The following HCN1 variants were observed in gnomAD, a reference collection of about 807,000 sequenced individuals.
HCN1 encodes the protein hyperpolarization activated cyclic nucleotide gated potassium channel 1, also known as potassium/sodium hyperpolarization-activated cyclic nucleotide-gated channel 1.
In HCN1, 13 loss-of-function variants were observed where a neutral mutation model predicts 78.9. That is an observed-to-expected ratio of 0.16 (90% confidence interval 0.11 to 0.26). HCN1 has a LOEUF of 0.26. Ranked by LOEUF, HCN1 falls within the 10% of genes least tolerant of loss-of-function variation. The pLI is 1.00. For missense variants in HCN1, 810 were observed against 1,154.3 expected (o/e 0.70, Z 4.32); for synonymous variants, 552 against 455.5 (o/e 1.21, Z -2.70).
chr5:45,288,800 G>T (rs1745317352), intron 6 of HCN1, among the ~76,000 whole-genome samples: 1 of 151,954 alleles, frequency 6.6e-6, no homozygotes, highest in Non-Finnish European at 1.5e-5. Flanking sequence ...TGGACCTTTG[G>T]ACTTGAAGGG....
At chr5:45,571,450 G>A (rs1487227209) in intron 2 of HCN1, among the ~76,000 whole-genome samples, 3 of 152,072 alleles carry the variant, frequency 2.0e-5, no homozygotes, top group Non-Finnish European at 4.4e-5. Flanking sequence ...ATTGTGACTT[G>A]GGGCAAGATA....
At chr5:45,302,144 A>G (rs1038469303) in intron 6 of HCN1, among the ~76,000 whole-genome samples, 4 of 152,086 alleles carry the variant, frequency 2.6e-5, no homozygotes, top group African/African-American at 9.7e-5. Flanking sequence ...GTTTGGCTCT[A>G]TGTCCCCCCA....
At chr5:45,664,046 T>C (rs1745979279) in intron 1 of HCN1, among the ~76,000 whole-genome samples, 1 of 134,096 alleles carries the variant, frequency 7.5e-6, no homozygotes, top group Admixed American at 7.9e-5. Context: ...TAGCAAAGAC[T>C]TGGAACCAAC....
intron 5 of HCN1, among the ~76,000 whole-genome samples, chr5:45,317,085 C>T (rs1041811716): frequency 2.0e-5 from 3 of 151,986 alleles, no homozygotes; most frequent in Non-Finnish European, 2.9e-5. Flanking sequence ...TCATATGGGG[C>T]CAAAAAAGAG....
At chr5:45,678,419 A>G (rs915316005) in intron 1 of HCN1, among the ~76,000 whole-genome samples, 3 of 151,954 alleles carry the variant, frequency 2.0e-5, no homozygotes, top group Admixed American at 1.3e-4. Flanking sequence ...TTATTATAAT[A>G]AACTCCAATT....
intron 3 of HCN1, among the ~76,000 whole-genome samples, chr5:45,452,994 T>A (rs1343924453): frequency 6.6e-6 from 1 of 152,000 alleles, no homozygotes; most frequent in Non-Finnish European, 1.5e-5. Flanking sequence ...TAGAGTAGCA[T>A]AATTAGACTG....
At chr5:45,281,195 G>C (rs1038075941) in intron 6 of HCN1, among the ~76,000 whole-genome samples, 2 of 152,224 alleles carry the variant, frequency 1.3e-5, no homozygotes, top group Non-Finnish European at 2.9e-5. Context: ...CAGTGTTGAA[G>C]AGGGGCCTGG....
chr5:45,458,894 T>G (rs1741085298), intron 3 of HCN1, among the ~76,000 whole-genome samples: 1 of 152,058 alleles, frequency 6.6e-6, no homozygotes, highest in African/African-American at 2.4e-5. Flanking sequence ...AAATGCAGGG[T>G]GCTTTTGTTC....
chr5:45,619,756 C>T (rs1253583266), intron 2 of HCN1, among the ~76,000 whole-genome samples: 1 of 151,908 alleles, frequency 6.6e-6, no homozygotes, highest in Non-Finnish European at 1.5e-5. Flanking sequence ...ATTTGCATAA[C>T]CTAAATATAA....
chr5:45,314,913 G>A (rs1181789725), intron 5 of HCN1, among the ~76,000 whole-genome samples: 1 of 152,122 alleles, frequency 6.6e-6, no homozygotes, highest in Non-Finnish European at 1.5e-5. Flanking sequence ...GATTCATAAA[G>A]CAAGTCCTTA....
intron 2 of HCN1, among the ~76,000 whole-genome samples, chr5:45,625,090 C>G (rs186102175): frequency 6.6e-6 from 1 of 152,022 alleles, no homozygotes; most frequent in Non-Finnish European, 1.5e-5. Flanking sequence ...GTGGCTCATG[C>G]CTGTAACCCC....
At chr5:45,320,983 G>C (rs551729493) in intron 5 of HCN1, among the ~76,000 whole-genome samples, 1 of 151,906 alleles carries the variant, frequency 6.6e-6, no homozygotes, top group South Asian at 2.1e-4. Flanking sequence ...CCAAGGAACT[G>C]CAAGAAAAGA....
chr5:45,385,354 AT>A (rs555250429), intron 4 of HCN1, among the ~76,000 whole-genome samples: 7 of 151,942 alleles, frequency 4.6e-5, no homozygotes, highest in Admixed American at 2.6e-4. Context: ...TAGTCATTCG[AT>A]TTTTTTTAAT....
chr5:45,327,276 T>C (rs922511856), intron 5 of HCN1, among the ~76,000 whole-genome samples: 1 of 151,686 alleles, frequency 6.6e-6, no homozygotes, highest in African/African-American at 2.4e-5. Flanking sequence ...TGTCCAGAAG[T>C]ATGCTGAACT....
chr5:45,339,416 G>A (rs576803609), intron 5 of HCN1, among the ~76,000 whole-genome samples: 8 of 152,158 alleles, frequency 5.3e-5, no homozygotes, highest in African/African-American at 1.9e-4. Context: ...GTAGCATGAA[G>A]AAAGGCAAAA....
chr5:45,493,815 T>A lies in HCN1; in HGVS notation c.850-31808A>T, dbSNP rs547275408. 3.0e-3 allele frequency among the ~76,000 whole-genome samples: 451 copies of A among 149,300 alleles called. 2 individuals are homozygous for A. The highest frequency in any genetic ancestry group is 0.014 in the Middle Eastern group (4 of 290). ...CCTTCCTGTGTCCATGAGTTCTCAT[T>A]GTTCAATTCCCACCTATGAGTGAGA... On this transcript the variant is annotated intron_variant, in intron 2 of 7. Transcript: ENST00000303230.
intron 2 of HCN1, among the ~76,000 whole-genome samples, chr5:45,533,291 C>CA (rs963271123): frequency 9.1e-4 from 137 of 151,210 alleles, no homozygotes; most frequent in Admixed American, 2.2e-3. Context: ...AATCAATCCA[C>CA]AAAAAAAAAC....
At chr5:45,263,181 T>C (rs572066494) in intron 7 of HCN1, among the ~76,000 whole-genome samples, 25 of 152,198 alleles carry the variant, frequency 1.6e-4, no homozygotes, top group Non-Finnish European at 3.7e-4. Context: ...GAAAGGACCA[T>C]GGAGACATAA....
At chr5:45,635,670 C>A (rs1411854291) in intron 2 of HCN1, among the ~76,000 whole-genome samples, 2 of 152,076 alleles carry the variant, frequency 1.3e-5, no homozygotes, top group Non-Finnish European at 2.9e-5. Flanking sequence ...ATTTCCTTTT[C>A]ACACTAAGAC....
Sources: allele counts gnomAD v4.1 joint callset (sites outside exome capture counted in the v4.1 genomes callset), GRCh38; gene constraint gnomAD v4.1.1; transcripts MANE v1.5; gene names NCBI Gene and HGNC (gene_info 2026-07-23, HGNC 2026-07-21).